The following ZFP28 variants were observed in gnomAD, a reference collection of about 807,000 sequenced individuals.
ZFP28 encodes the protein zinc finger protein 28 homolog.
Under a neutral mutation model 39.5 loss-of-function variants are expected in ZFP28, and 31 were observed. The observed-to-expected ratio is 0.79, with a 90% CI of 0.59 to 1.06. ZFP28 has a LOEUF of 1.06. Ranked by LOEUF, ZFP28 falls within the 50% of genes least tolerant of loss-of-function variation. The pLI is 0.00. For missense variants in ZFP28, 925 were observed against 1,048.4 expected (o/e 0.88, Z 1.63); for synonymous variants, 400 against 378.6 (o/e 1.06, Z -0.66).
Position 56,548,961 on chromosome 19 carries a change from T to C in ZFP28, c.527T>C (p.Leu176Ser). 1 of 1,612,256 alleles carries C rather than the reference T, an allele frequency of 6.2e-7. No individual in the cohort carries two copies. Among genetic ancestry groups the C allele is most frequent in the Non-Finnish European group, 8.5e-7 (1 of 1,179,404 alleles). Residue 176 changes from leucine (L) to serine (S), a missense_variant, in exon 5 of 8, where the codon TTG becomes TCG. By Grantham distance (145) the Leu-to-Ser change is moderately radical. Transcript: ENST00000301318. ...TTACCTTCTTTACGTCTTTCAGACTTGAAGGCTGTGTGGAAGATCAAGGAG... is the reference window on the plus strand; with the variant it reads ...TTACCTTCTTTACGTCTTTCAGACTCGAAGGCTGTGTGGAAGATCAAGGAG... ...RKMTRAWCPD[L>S]KAVWKIKELP...
Position 56,555,659 on chromosome 19 carries a change from C to T in ZFP28, c.*267C>T. ...AACATTGAAAAGTTACAGTAGTCAG[C>T]TCTGATAAAAAAATGATGCAGTAGG... On this transcript the variant is annotated 3_prime_UTR_variant, in exon 8 of 8. Coordinates refer to ENST00000301318, the MANE Select transcript of ZFP28 (RefSeq NM_020828.2). 2.6e-6 allele frequency: 1 copy of T among 384,752 alleles called. No individual in the cohort carries two copies. The highest frequency in any genetic ancestry group is 4.6e-6 in the Non-Finnish European group (1 of 219,490). 23.8% of individuals were successfully genotyped at this position (384,752 alleles called of 1,614,324 possible).
At position 56,550,652 on chromosome 19, in the gene ZFP28, C is replaced by T. The variant is rs183670646; in HGVS notation, c.898+47C>T. 4.8e-5 allele frequency: 77 copies of T among 1,609,334 alleles called. 1 individual carries two copies. The Admixed American group carries it at 8.0e-4, about 17-fold the overall frequency. ...GTGGAAAATCTACTGCAAGAGAGAG[C>T]GGAGCTTTTACCAAAAAGGCTGCAT... On this transcript the variant is annotated intron_variant, in intron 7 of 7. Transcript: ENST00000301318.
Position 56,538,978 on chromosome 19 carries a change from T to C in ZFP28, c.-41T>C. On this transcript the variant is annotated 5_prime_UTR_variant, in exon 1 of 8. Coordinates refer to ENST00000301318, the MANE Select transcript of ZFP28 (RefSeq NM_020828.2). The stretch of plus-strand genomic sequence containing the variant: ...GGGTGTGGCCAGGGGTGTGGGTCTG[T>C]GAGGGACCGGTCGGAAGGGCGTCGC... 7.3e-7 allele frequency: 1 copy of C among 1,364,890 alleles called. No individual in the cohort carries two copies. The highest frequency in any genetic ancestry group is 9.4e-7 in the Non-Finnish European group (1 of 1,063,652). 84.5% of individuals were successfully genotyped at this position (1,364,890 alleles called of 1,614,324 possible).
At chr19:56,541,792 T>A (rs2044197234) in intron 2 of ZFP28, among the ~76,000 whole-genome samples, 1 of 151,322 alleles carries the variant, frequency 6.6e-6, no homozygotes, top group Non-Finnish European at 1.5e-5. Flanking sequence ...TACAGTGGCG[T>A]GATCTCGGCT....
At chr19:56,539,498 C>T in intron 1 of ZFP28, 127 bp from the exon 2 acceptor site, 1 of 820,704 alleles carries the variant, frequency 1.2e-6, no homozygotes, top group Non-Finnish European at 1.9e-6. Flanking sequence ...CCTATCTCCA[C>T]GTTGTGGCAG....
In ZFP28 at chr19:56,543,312, C is replaced by T. The variant is rs537839925; in HGVS notation, c.300+3596C>T. 3.3e-4 allele frequency among the ~76,000 whole-genome samples: 48 copies of T among 145,208 alleles called. No individual in the cohort carries two copies. In the South Asian group the frequency reaches 8.9e-3, roughly 27 times the overall value. ...TAATGTCTCTATCTTTGTGTGTGTG[C>T]GTGTGTTTATATATTATATAGAATA... On this transcript the variant is annotated intron_variant, in intron 2 of 7. Coordinates refer to ENST00000301318, the MANE Select transcript of ZFP28 (RefSeq NM_020828.2).
intron 5 of ZFP28, among the ~76,000 whole-genome samples, chr19:56,549,493 T>A (rs1424487593): frequency 6.6e-6 from 1 of 152,080 alleles, no homozygotes; most frequent in Admixed American, 6.5e-5. Context: ...CTAGCTAACA[T>A]TGTGAAACCC....
Position 56,553,921 on chromosome 19 carries a change from C to A in ZFP28, c.1136C>A (p.Ser379Tyr). 1 of 1,614,080 alleles carries A rather than the reference C, an allele frequency of 6.2e-7. No individual in the cohort carries two copies. Among genetic ancestry groups the A allele is most frequent in the Non-Finnish European group, 8.5e-7 (1 of 1,180,020 alleles). The change falls in exon 8 of 8, where the codon TCT becomes TAT. Residue 379 changes from serine (S) to tyrosine (Y), a missense_variant. Around this residue, in one of 2 missense-constraint regions of ZFP28, gnomAD observed 556 missense variants for 542.9 expected, o/e 1.02. Coordinates refer to ENST00000301318, the MANE Select transcript of ZFP28 (RefSeq NM_020828.2). The part of the protein sequence containing the change: ...SKERERTYNK[S>Y]GRWFYLDDSE... ...GAAAGAGAACGTACATATAACAAAT[C>A]TGGAAGATGGTTCTATTTGGACGAT...
Position 56,554,411 on chromosome 19 carries a change from C to T in ZFP28, c.1626C>T (p.Phe542=). ...PYKCDVCHKS[F]RYGSSLTVHQ... The stretch of plus-strand genomic sequence containing the variant: ...AATGTGATGTATGTCACAAATCCTT[C>T]AGGTATGGTTCCTCCCTTACTGTAC... The change falls in exon 8 of 8, where the codon TTC becomes TTT. Residue 542 remains phenylalanine (F), a synonymous_variant. Coordinates refer to ENST00000301318, the MANE Select transcript of ZFP28 (RefSeq NM_020828.2). This position sits in a 1 kb window ranked among gnomAD's most constrained non-coding sequence, Gnocchi z 6.7. 1 of 1,614,116 alleles carries T rather than the reference C, an allele frequency of 6.2e-7. No individual in the cohort carries two copies. Among genetic ancestry groups the T allele is most frequent in the South Asian group, 1.1e-5 (1 of 91,084 alleles).
intron 6 of ZFP28, 147 bp from the exon 7 acceptor site, chr19:56,550,363 A>G (rs1239412578): frequency 1.1e-6 from 1 of 877,404 alleles, no homozygotes; most frequent in Non-Finnish European, 1.7e-6. Context: ...TTAGGCTTGA[A>G]GCGTTATCTT....
In ZFP28 at chr19:56,550,061, T is replaced by C. The variant is rs1238551767; in HGVS notation, c.688-6T>C. The C allele has an allele frequency of 1.2e-6, 2 of 1,606,702 alleles. No individual in the cohort carries two copies. The highest frequency in any genetic ancestry group is 1.7e-5 in the Admixed American group (1 of 58,978). ...TGATTTAAAAAACGTGCTTTTACCATTGCAGGGCTTGGTGACTATCAAAAA... is the reference window on the plus strand; with the variant it reads ...TGATTTAAAAAACGTGCTTTTACCACTGCAGGGCTTGGTGACTATCAAAAA... On this transcript the variant is annotated splice_polypyrimidine_tract_variant and splice_region_variant and intron_variant, in intron 5 of 7. Coordinates refer to ENST00000301318, the MANE Select transcript of ZFP28 (RefSeq NM_020828.2).
intron 7 of ZFP28, chr19:56,551,732 TTC>T (rs2044305608): frequency 1.0e-6 from 1 of 984,020 alleles, no homozygotes; most frequent in African/African-American, 1.7e-5. Flanking sequence ...ACTAAAATTA[TTC>T]TTTTTTTATG....
intron 2 of ZFP28, chr19:56,544,819 C>G (rs1408546793): frequency 1.3e-5 from 2 of 152,114 alleles, no homozygotes; most frequent in Non-Finnish European, 2.9e-5. Context: ...ATTTTTAAAA[C>G]AAAAGTCATT....
At chr19:56,539,813 T>A (rs1027356257) in intron 2 of ZFP28, 97 bp downstream of exon 2, 5 of 1,108,958 alleles carry the variant, frequency 4.5e-6, no homozygotes, top group Admixed American at 2.2e-5. Flanking sequence ...TTAAGAGACC[T>A]GTTTGGGCGC....
Position 56,547,344 on chromosome 19 carries a change from T to C in ZFP28, c.301-164T>C, listed in dbSNP as rs890098077. 1 of 1,018,310 alleles carries C rather than the reference T, an allele frequency of 9.8e-7. No homozygotes were observed. The highest frequency in any genetic ancestry group is 1.4e-6 in the Non-Finnish European group (1 of 703,472). The allele number at this position is 1,018,310 out of a possible 1,614,324, so 63.1% of individuals were successfully genotyped here. ...ATGACCTCATTTAACCCTAATTACCTCTTTGTAGGCCCTGTCTCTAAATAC... is the reference window on the plus strand; with the variant it reads ...ATGACCTCATTTAACCCTAATTACCCCTTTGTAGGCCCTGTCTCTAAATAC... On this transcript the variant is annotated intron_variant, in intron 2 of 7. Transcript: ENST00000301318. This position sits in a 1 kb window ranked among gnomAD's most constrained non-coding sequence, Gnocchi z 4.6.
chr19:56,554,143 G>A lies in ZFP28; in HGVS notation c.1358G>A (p.Cys453Tyr). 6.2e-7 allele frequency: 1 copy of A among 1,614,206 alleles called. No individual in the cohort carries two copies. Among genetic ancestry groups the A allele is most frequent in the South Asian group, 1.1e-5 (1 of 91,080 alleles). The part of the protein sequence containing the change: ...TGEKPYKCNE[C>Y]GKAFSDGSSF... The stretch of plus-strand genomic sequence containing the variant: ...GAGAAACCTTATAAATGTAATGAAT[G>A]TGGGAAGGCCTTTAGTGACGGCTCA... The change falls in exon 8 of 8, where the codon TGT (cysteine) becomes TAT (tyrosine). Residue 453 changes from cysteine to tyrosine, a missense_variant. By Grantham distance (194) the Cys-to-Tyr change is radical. Transcript: ENST00000301318. This position sits in a 1 kb window ranked among gnomAD's most constrained non-coding sequence, Gnocchi z 6.7.
rs551544852 is a variant in ZFP28, at chr19:56,555,355, A to G, written c.2570A>G (p.Lys857Arg). The change falls in exon 8 of 8, where the codon AAA becomes AGA. Residue 857 changes from lysine (K) to arginine (R), a missense_variant. Lys to Arg is a conservative substitution (Grantham distance 26, BLOSUM62 2). Transcript: ENST00000301318. ...STSNPVDLFP[K>R]FLWNPSSLPS... Reference sequence around the variant, plus strand: ...TCAAATCCTGTGGATCTGTTTCCCAAATTTCTCTGGAATCCATCCTCCCTC... The same window carrying G: ...TCAAATCCTGTGGATCTGTTTCCCAGATTTCTCTGGAATCCATCCTCCCTC... The G allele has an allele frequency of 3.7e-6, 6 of 1,612,810 alleles. No homozygotes were observed. The highest frequency in any genetic ancestry group is 2.2e-5 in the East Asian group (1 of 44,844).
intron 6 of ZFP28, 107 bp from the exon 7 acceptor site, chr19:56,550,401 GTT>G: frequency 9.7e-7 from 1 of 1,035,258 alleles, no homozygotes; most frequent in Non-Finnish European, 1.4e-6. Context: ...CTACTCACCT[GTT>G]TTTCTGTTTC....
At chr19:56,539,814 G>C in intron 2 of ZFP28, 98 bp downstream of exon 2, 1 of 1,086,350 alleles carries the variant, frequency 9.2e-7, no homozygotes, top group Non-Finnish European at 1.3e-6. Context: ...TAAGAGACCT[G>C]TTTGGGCGCG....
Sources: allele counts gnomAD v4.1 joint callset (sites outside exome capture counted in the v4.1 genomes callset), GRCh38; gene constraint gnomAD v4.1.1; regional missense constraint gnomAD v4.1.1; non-coding constraint Gnocchi (gnomAD v3.1); transcripts MANE v1.5; gene names NCBI Gene and HGNC (gene_info 2026-07-23, HGNC 2026-07-21).